SHLD1: variants seen among roughly 807,000 people sequenced by gnomAD.
SHLD1 encodes the protein shieldin complex subunit 1, also known as RINN1-REV7-interacting novel NHEJ regulator 3.
A neutral mutation model predicts 5.5 loss-of-function variants in SHLD1; 3 were observed. The ratio of observed to expected loss-of-function variants is 0.54; its 90% CI spans 0.25 to 1.40. The LOEUF is 1.40. SHLD1 is among the 40% of genes most tolerant of loss of function. The pLI is 0.15. For synonymous variants in SHLD1, 92 were observed against 94.3 expected (o/e 0.98, Z 0.14); for missense variants, 210 against 244.4 (o/e 0.86, Z 0.94).
In SHLD1 at chr20:5,853,965, G is replaced by A. The variant is rs559381999; in HGVS notation, c.179-9059G>A. Among the ~76,000 whole-genome samples, 8 of 150,502 alleles carry A rather than the reference G, an allele frequency of 5.3e-5. No individual in the cohort carries two copies. In the East Asian group the frequency reaches 1.2e-3, roughly 22 times the overall value. On this transcript the variant is annotated intron_variant, in intron 2 of 2. Coordinates refer to ENST00000303142, the MANE Select transcript of SHLD1 (RefSeq NM_152504.4). ...AGCAATCTTCCTGCCTTAGCCTCCC[G>A]AGTAGCTGGGACTATAGGCATTCAC... is the stretch of plus-strand genomic sequence containing the variant.
At chr20:5,831,526 G>A (rs2087728985) in intron 2 of SHLD1, among the ~76,000 whole-genome samples, 1 of 152,154 alleles carries the variant, frequency 6.6e-6, no homozygotes, top group African/African-American at 2.4e-5. Flanking sequence ...AGGCTGTGCT[G>A]TTGCTTACAT....
intron 2 of SHLD1, among the ~76,000 whole-genome samples, chr20:5,774,553 G>A (rs1360004008): frequency 6.6e-6 from 1 of 152,138 alleles, no homozygotes; most frequent in Admixed American, 6.6e-5. Flanking sequence ...CAGGCTGTAC[G>A]GGAAGCATAG....
chr20:5,807,819 C>G (rs1160715635), intron 2 of SHLD1, among the ~76,000 whole-genome samples: 1 of 152,170 alleles, frequency 6.6e-6, no homozygotes, highest in Non-Finnish European at 1.5e-5. Flanking sequence ...AATCTCTCTT[C>G]TTTTTGTAGA....
intron 2 of SHLD1, among the ~76,000 whole-genome samples, chr20:5,818,366 G>A (rs1405877785): frequency 2.0e-5 from 3 of 152,158 alleles, no homozygotes; most frequent in African/African-American, 7.2e-5. Flanking sequence ...GTGAGCCACT[G>A]CACCAGGCCA....
rs368115364 is a variant in SHLD1 at position 5,806,814 on chromosome 20, G to A, written c.178+33771G>A. Among the ~76,000 whole-genome samples, 49 of 152,318 alleles carry A rather than the reference G, an allele frequency of 3.2e-4. No homozygotes were observed. In the East Asian group the frequency reaches 4.0e-3, roughly 13 times the overall value. On this transcript the variant is annotated intron_variant, in intron 2 of 2. Transcript: ENST00000303142. This position sits in a 1 kb window ranked among gnomAD's most constrained non-coding sequence, Gnocchi z 7.6. ...TTGTTTCTCCGCACCCAAGGGATGT[G>A]AACAGAGTGGTGGCAGTGATGGTTG...
chr20:5,791,978 T>A (rs1213300730), intron 2 of SHLD1, among the ~76,000 whole-genome samples: 1 of 152,222 alleles, frequency 6.6e-6, no homozygotes. Context: ...ATTTTCCACA[T>A]GTTTATTGGC....
At chr20:5,795,238 C>CA (rs71197800) in intron 2 of SHLD1, among the ~76,000 whole-genome samples, 5 of 150,412 alleles carry the variant, frequency 3.3e-5, no homozygotes, top group African/African-American at 9.8e-5. Context: ...GACTCTGTCT[C>CA]AAAAAAAACA....
chr20:5,766,148 C>T (rs1460407095), intron 1 of SHLD1, among the ~76,000 whole-genome samples: 1 of 152,122 alleles, frequency 6.6e-6, no homozygotes, highest in African/African-American at 2.4e-5. Flanking sequence ...TTGTTCCCTT[C>T]CAGAAGCCTC....
At chr20:5,844,109 G>A (rs1282637809) in intron 2 of SHLD1, among the ~76,000 whole-genome samples, 1 of 152,198 alleles carries the variant, frequency 6.6e-6, no homozygotes, top group African/African-American at 2.4e-5. Context: ...TTAAATTCAA[G>A]TGTAAATGGG....
At chr20:5,782,604 C>T (rs1451562549) in intron 2 of SHLD1, among the ~76,000 whole-genome samples, 1 of 152,118 alleles carries the variant, frequency 6.6e-6, no homozygotes, top group African/African-American at 2.4e-5. Context: ...GATTAAAGGC[C>T]ATAGCTGGCA....
chr20:5,819,681 G>C (rs1175803572), intron 2 of SHLD1, among the ~76,000 whole-genome samples: 1 of 152,168 alleles, frequency 6.6e-6, no homozygotes, highest in Non-Finnish European at 1.5e-5. Context: ...AATTAGCCAG[G>C]CATGGTGGAG....
intron 2 of SHLD1, among the ~76,000 whole-genome samples, chr20:5,793,497 T>C (rs935187431): frequency 3.3e-5 from 5 of 152,214 alleles, no homozygotes; most frequent in African/African-American, 1.2e-4. Flanking sequence ...GTCAAGCTTA[T>C]CAATCAATGC....
Position 5,863,258 on chromosome 20 carries a change from A to G in SHLD1, c.413A>G (p.Gln138Arg), listed in dbSNP as rs751032417. 6.2e-7 allele frequency: 1 copy of G among 1,614,224 alleles called. No homozygotes were observed. The highest frequency in any genetic ancestry group is 8.5e-7 in the Non-Finnish European group (1 of 1,180,034). ...KITQLRGQES[Q>R]KYALRSFQMA... is the part of the protein sequence containing the mutation. ...ACTCAACTAAGAGGCCAGGAGAGCC[A>G]AAAGTATGCCCTCCGCAGTTTTCAA... is the stretch of plus-strand genomic sequence containing the variant. Residue 138 changes from glutamine (Q) to arginine (R), a missense_variant, in exon 3 of 3, where the codon CAA (glutamine) becomes CGA (arginine). Physicochemically the swap from Gln to Arg is conservative, Grantham distance 43. Transcript: ENST00000303142.
intron 2 of SHLD1, among the ~76,000 whole-genome samples, chr20:5,850,155 C>T (rs1458326094): frequency 4.7e-4 from 45 of 95,598 alleles, no homozygotes; most frequent in African/African-American, 1.4e-3. Flanking sequence ...TAATAATTAA[C>T]TGAGACAACA....
intron 1 of SHLD1, among the ~76,000 whole-genome samples, chr20:5,754,326 G>A (rs1983937982): frequency 6.6e-6 from 1 of 152,018 alleles, no homozygotes; most frequent in Admixed American, 6.6e-5. Context: ...GCGCAGGCTG[G>A]TCTTGAACTC....
rs2090360862 is a variant in SHLD1 at position 5,750,497 on chromosome 20, T to TCGG, written c.-5+18_-5+19insCGG. On this transcript the variant is annotated intron_variant, in intron 1 of 2. Coordinates refer to ENST00000303142, the MANE Select transcript of SHLD1 (RefSeq NM_152504.4). ...GAGGAGAGGTAAGCGCGGGATGGGA[T>TCGG]GGGGGGGGGTTGGAGTGGTGGGGGC... 1 of 35,818 alleles carries TCGG rather than the reference T, an allele frequency of 2.8e-5. No homozygotes were observed. Among genetic ancestry groups the TCGG allele is most frequent in the African/African-American group, 8.3e-5 (1 of 12,052 alleles). 2.2% of individuals were successfully genotyped at this position (35,818 alleles called of 1,614,324 possible).
rs115264684 is a variant in SHLD1, at chr20:5,775,776, A to G, written c.178+2733A>G. Among the ~76,000 whole-genome samples the G allele has an allele frequency of 8.1e-3, 1,232 of 152,160 alleles. 18 individuals carry two copies. The highest frequency in any genetic ancestry group is 0.028 in the African/African-American group (1,174 of 41,500). On this transcript the variant is annotated intron_variant, in intron 2 of 2. Transcript: ENST00000303142. ...TCCTTATTTGTAAAATGGAGATGAT[A>G]ACAGCACCTCCTTGTTGGGGAGGTT...
chr20:5,858,578 A>G (rs2088119963), intron 2 of SHLD1, among the ~76,000 whole-genome samples: 1 of 152,230 alleles, frequency 6.6e-6, no homozygotes, highest in Non-Finnish European at 1.5e-5. Flanking sequence ...TCATGCCTAT[A>G]ATCCTAGCAC....
intron 2 of SHLD1, among the ~76,000 whole-genome samples, chr20:5,811,187 C>T (rs2122374674): frequency 6.6e-6 from 1 of 152,212 alleles, no homozygotes; most frequent in East Asian, 1.9e-4. Flanking sequence ...GTACCAGAAG[C>T]CACAGCTCAG....
Sources: gnomAD v4.1 joint callset for allele counts (sites outside exome capture counted in the v4.1 genomes callset) on GRCh38, gnomAD v4.1.1 for gene constraint, Gnocchi (gnomAD v3.1) non-coding constraint, MANE v1.5 for transcripts, NCBI Gene and HGNC (gene_info 2026-07-23, HGNC 2026-07-21) for gene names.